Variants in STXBP3 observed in about 807,000 individuals in gnomAD.
The protein encoded by STXBP3 is syntaxin-binding protein 3.
In STXBP3, 41 loss-of-function variants were observed where a neutral mutation model predicts 85.7. The ratio of observed to expected loss-of-function variants is 0.48; its 90% CI spans 0.37 to 0.62. The LOEUF (loss-of-function observed/expected upper bound fraction) is 0.62, where lower values mean the gene tolerates loss of function less well. Among genes scored for constraint, STXBP3 ranks in the 20% least tolerant of loss-of-function variants. The pLI, the probability that STXBP3 is intolerant of heterozygous loss-of-function variation, is 0.00. For synonymous variants in STXBP3, 229 were observed against 231.7 expected, an observed-to-expected ratio of 0.99 and a Z score of 0.10; for missense variants, 563 against 703.1, an observed-to-expected ratio of 0.80 and a Z score of 2.25.
At chr1:108,746,960 G>A (rs1277846136) in intron 1 of STXBP3, among the ~76,000 whole-genome samples, 174 bp downstream of exon 1, 3 of 152,162 alleles carry the variant, frequency 2.0e-5, no homozygotes, top group African/African-American at 7.2e-5. Flanking sequence ...TTCCTTGCCA[G>A]CACCAGGGAT....
chr1:108,791,958 G>A (rs561265062), intron 11 of STXBP3, among the ~76,000 whole-genome samples: 1 of 152,280 alleles, frequency 6.6e-6, no homozygotes, highest in African/African-American at 2.4e-5. Flanking sequence ...CTGCATGCAA[G>A]AGTAGTTTCA....
At chr1:108,799,633 CT>C (rs1375268398) in intron 16 of STXBP3, among the ~76,000 whole-genome samples, 1 of 152,084 alleles carries the variant, frequency 6.6e-6, no homozygotes, top group African/African-American at 2.4e-5. Flanking sequence ...GGTCTCCATA[CT>C]TTTCAGTTCA....
intron 6 of STXBP3, 52 bp downstream of exon 6, chr1:108,760,137 A>G (rs749446091): frequency 2.8e-6 from 3 of 1,078,798 alleles, no homozygotes; most frequent in Non-Finnish European, 4.0e-6. Flanking sequence ...ATTTGGTTTT[A>G]TGGCTTATTG....
At chr1:108,764,475 TG>T (rs1662215058) in intron 6 of STXBP3, among the ~76,000 whole-genome samples, 1 of 152,234 alleles carries the variant, frequency 6.6e-6, no homozygotes, top group Non-Finnish European at 1.5e-5. Context: ...ATCACCACAC[TG>T]TCTTCCACAA....
At chr1:108,751,953 A>G (rs1661914491) in intron 1 of STXBP3, among the ~76,000 whole-genome samples, 1 of 152,150 alleles carries the variant, frequency 6.6e-6, no homozygotes, top group South Asian at 2.1e-4. Flanking sequence ...TTGGGATTTA[A>G]GTAGAATAGG....
At chr1:108,800,167 A>T in intron 16 of STXBP3, 53 bp from the exon 17 acceptor site, 1 of 1,321,918 alleles carries the variant, frequency 7.6e-7, no homozygotes, top group South Asian at 1.2e-5. Context: ...TATGCCAAAC[A>T]AAGTCCTGCA....
chr1:108,752,279 T>C lies in STXBP3; in HGVS notation c.72T>C (p.Asp24=), dbSNP rs776704508. Residue 24 remains aspartate, a synonymous_variant, in exon 2 of 19, where the codon GAT becomes GAC. Coordinates refer to ENST00000370008, the MANE Select transcript of STXBP3 (RefSeq NM_007269.4). The stretch of plus-strand genomic sequence containing the variant: ...CAGAGATAAAAGCAACAGTGTTTGA[T>C]GACTGCAAGAAAGAAGGCGAATGGA... ...VWQKIKATVF[D]DCKKEGEWKI... 2 of 1,611,948 alleles carry C rather than the reference T, an allele frequency of 1.2e-6. No homozygotes were observed. Among genetic ancestry groups the C allele is most frequent in the African/African-American group, 1.3e-5 (1 of 74,998 alleles).
At position 108,796,268 on chromosome 1, in the gene STXBP3, A is replaced by C; in HGVS notation, c.1145A>C (p.Lys382Thr). 2 of 1,613,748 alleles carry C rather than the reference A, an allele frequency of 1.2e-6. No homozygotes were observed. Among genetic ancestry groups the C allele is most frequent in the South Asian group, 1.1e-5 (1 of 90,964 alleles). Reference sequence around the variant, plus strand: ...CTTGGAACTGATGCAGAAGGACAGAAGGTGAAAGATTCCATGCGAGTACTC... The same window carrying C: ...CTTGGAACTGATGCAGAAGGACAGACGGTGAAAGATTCCATGCGAGTACTC... ...LALGTDAEGQ[K>T]VKDSMRVLLP... Residue 382 changes from lysine to threonine, a missense_variant, in exon 14 of 19, where the codon AAG (lysine) becomes ACG (threonine). Transcript: ENST00000370008.
intron 13 of STXBP3, among the ~76,000 whole-genome samples, chr1:108,796,015 G>A (rs1025003839): frequency 7.9e-5 from 12 of 152,070 alleles, no homozygotes; most frequent in Admixed American, 1.3e-4. Context: ...ATAGGCACCT[G>A]CCACCACGCC....
At chr1:108,794,225 A>T (rs542108594) in intron 12 of STXBP3, among the ~76,000 whole-genome samples, 8 of 152,314 alleles carry the variant, frequency 5.3e-5, no homozygotes, top group Non-Finnish European at 1.0e-4. Context: ...CAAATTCAAC[A>T]ATTCAATGCT....
intron 6 of STXBP3, among the ~76,000 whole-genome samples, chr1:108,770,325 T>C (rs1557804997): frequency 6.6e-6 from 1 of 151,998 alleles, no homozygotes; most frequent in Admixed American, 6.6e-5. Flanking sequence ...AACCTACACA[T>C]GACCATGGCT....
chr1:108,797,546 T>G (rs1211202591), intron 15 of STXBP3, among the ~76,000 whole-genome samples: 3 of 150,302 alleles, frequency 2.0e-5, no homozygotes, highest in Non-Finnish European at 4.4e-5. Flanking sequence ...CCATCTGGGA[T>G]TACAGGCGCC....
At chr1:108,779,260 A>C in intron 8 of STXBP3, 26 bp from the exon 9 acceptor site, 2 of 1,601,936 alleles carry the variant, frequency 1.2e-6, no homozygotes, top group South Asian at 1.1e-5. Flanking sequence ...GAAGCTGCTT[A>C]AGATGATTTT....
intron 7 of STXBP3, among the ~76,000 whole-genome samples, chr1:108,774,261 T>A (rs1662538809): frequency 6.6e-6 from 1 of 152,196 alleles, no homozygotes. Flanking sequence ...GAAATAAGAA[T>A]GATAATAATA....
chr1:108,794,754 C>A (rs1019196370), intron 12 of STXBP3, 73 bp from the exon 13 acceptor site: 1 of 1,377,216 alleles, frequency 7.3e-7, no homozygotes, highest in South Asian at 1.2e-5. Flanking sequence ...AGGCCTGTCT[C>A]AAAAGTTTAA....
intron 8 of STXBP3, among the ~76,000 whole-genome samples, chr1:108,776,862 C>G (rs1662604984): frequency 6.6e-6 from 1 of 152,164 alleles, no homozygotes; most frequent in African/African-American, 2.4e-5. Context: ...TTCCTATTAT[C>G]ACTAGTTCTG....
chr1:108,771,505 G>C (rs1175341229), intron 6 of STXBP3, among the ~76,000 whole-genome samples: 29 of 42,572 alleles, frequency 6.8e-4, no homozygotes, highest in African/African-American at 2.6e-3. Context: ...AAATATATAT[G>C]ATATATAAAT....
chr1:108,776,796 T>C (rs1285839690), intron 8 of STXBP3, among the ~76,000 whole-genome samples: 2 of 152,200 alleles, frequency 1.3e-5, no homozygotes, highest in African/African-American at 4.8e-5. Flanking sequence ...AGTTAATACA[T>C]GGAAAGTCCT....
intron 17 of STXBP3, 144 bp from the exon 18 acceptor site, chr1:108,807,257 C>CAAAAAAAAAAAAAAAAAAAAAAAAAAAA (rs201346701): frequency 1.6e-6 from 1 of 623,152 alleles, no homozygotes. Flanking sequence ...GACTCCACCT[C>CAAAAAAAAAAAAAAAAAAAAAAAAAAAA]AAAAAAAAAA....
Sources: gnomAD v4.1 joint callset for allele counts (sites outside exome capture counted in the v4.1 genomes callset) on GRCh38, gnomAD v4.1.1 for gene constraint, MANE v1.5 for transcripts, NCBI Gene and HGNC (gene_info 2026-07-23, HGNC 2026-07-21) for gene names.